DPP6: variants seen among roughly 807,000 people sequenced by gnomAD.
The protein encoded by DPP6 is A-type potassium channel modulatory protein DPP6.
In DPP6, 69 loss-of-function variants were observed where a neutral mutation model predicts 122.6. The observed-to-expected ratio is 0.56, with a 90% CI of 0.46 to 0.69. The LOEUF is 0.69. DPP6 is among the 30% of genes least tolerant of loss of function. The probability of loss-of-function intolerance (pLI) is 0.00; values close to 1 mark genes in which losing one functional copy is unlikely to be tolerated. For synonymous variants in DPP6, 418 were observed against 433.1 expected (o/e 0.97, Z 0.43); for missense variants, 928 against 1,116.9 (o/e 0.83, Z 2.41).
chr7:154,070,046 C>T (rs113517785), intron 1 of DPP6, among the ~76,000 whole-genome samples: 36,143 of 150,800 alleles, frequency 0.24, 5,033 homozygotes, highest in Non-Finnish European at 0.3. Flanking sequence ...AGCGAGACTC[C>T]GTCTCAAAAC....
At chr7:153,819,077 C>CTTTT in the DPP6 span, among the ~76,000 whole-genome samples, 14,457 of 99,790 alleles carry the variant, frequency 0.14, 1,098 homozygotes, top group Admixed American at 0.17. Flanking sequence ...CTTTTCTTTT[C>CTTTT]TTTTTTTTTT....
At chr7:154,238,478 T>G (rs749536281) in intron 1 of DPP6, among the ~76,000 whole-genome samples, 1 of 152,156 alleles carries the variant, frequency 6.6e-6, no homozygotes, top group Middle Eastern at 3.2e-3. Flanking sequence ...AGAGGTTAAG[T>G]CAGAGTCGGA....
chr7:154,280,599 TATTA>T (rs896177927), intron 1 of DPP6, among the ~76,000 whole-genome samples: 9 of 152,292 alleles, frequency 5.9e-5, no homozygotes, highest in Admixed American at 2.6e-4. Context: ...AATAATTAGC[TATTA>T]ATTCAATTTA....
intron 1 of DPP6, among the ~76,000 whole-genome samples, chr7:154,387,709 CCTGCTGCCAAAGGGA>C (rs1252730322): frequency 6.6e-6 from 1 of 152,240 alleles, no homozygotes; most frequent in African/African-American, 2.4e-5. Context: ...CCCCACAGCC[CCTGCTGCCAAAGGGA>C]TTACTGTAGG....
the DPP6 span, among the ~76,000 whole-genome samples, chr7:153,813,864 G>A: frequency 6.6e-6 from 1 of 152,032 alleles, no homozygotes; most frequent in African/African-American, 2.4e-5. Flanking sequence ...CCCACTTTTT[G>A]ATGGGGTTGT....
chr7:154,577,699 G>A (rs929431396), intron 5 of DPP6, among the ~76,000 whole-genome samples: 56 of 152,288 alleles, frequency 3.7e-4, no homozygotes, highest in Admixed American at 6.5e-4. Flanking sequence ...ACACTCGATT[G>A]CTTTCATTAG....
chr7:154,425,621 GGTGT>G lies in DPP6; in HGVS notation c.244-20562_244-20559del, dbSNP rs3056535. On this transcript the variant is annotated intron_variant, in intron 1 of 25. Transcript: ENST00000377770. ...GGAAAAAAATGTGTGTGTGTGTGTG[GGTGT>G]GTGTGTGTGTGTGTGTGTGTGTGTG... Among the ~76,000 whole-genome samples the G allele has an allele frequency of 3.3e-3, 396 of 121,474 alleles. 2 individuals carry two copies. The highest frequency in any genetic ancestry group is 4.7e-3 in the Non-Finnish European group (292 of 62,062). 79.7% of individuals were successfully genotyped at this position (121,474 alleles called of 152,430 possible). A position where few individuals can be genotyped will look rare whatever the true frequency, so the allele number is the denominator to read the frequency against.
intron 5 of DPP6, among the ~76,000 whole-genome samples, chr7:154,585,262 C>T (rs1416359704): frequency 6.6e-6 from 1 of 152,210 alleles, no homozygotes; most frequent in Non-Finnish European, 1.5e-5. Flanking sequence ...TAATTTTGCT[C>T]TAAAAACGTT....
At chr7:153,764,307 C>CTCT in the DPP6 span, among the ~76,000 whole-genome samples, 2 of 150,102 alleles carry the variant, frequency 1.3e-5, no homozygotes, top group African/African-American at 5.0e-5. Context: ...TTCCTTGCTC[C>CTCT]TCTTCTGCAC....
At chr7:153,890,897 C>CA (rs1799167829) in intron 1 of DPP6, among the ~76,000 whole-genome samples, 1 of 144,816 alleles carries the variant, frequency 6.9e-6, no homozygotes, top group South Asian at 2.2e-4. Context: ...GGGGTTTCAT[C>CA]ATGTTGGCCA....
At chr7:154,671,565 C>G (rs1838557253) in intron 7 of DPP6, among the ~76,000 whole-genome samples, 1 of 152,172 alleles carries the variant, frequency 6.6e-6, no homozygotes, top group East Asian at 1.9e-4. Flanking sequence ...TGGTACTTGT[C>G]CTGCCTCTGG....
At chr7:153,941,209 A>T (rs1042537407) in intron 1 of DPP6, among the ~76,000 whole-genome samples, 1 of 152,196 alleles carries the variant, frequency 6.6e-6, no homozygotes, top group African/African-American at 2.4e-5. Context: ...TGAGCCCTTG[A>T]TGTGTTGGAA....
At chr7:153,891,165 G>A (rs2128993565) in intron 1 of DPP6, among the ~76,000 whole-genome samples, 1 of 151,554 alleles carries the variant, frequency 6.6e-6, no homozygotes, top group African/African-American at 2.4e-5. Flanking sequence ...AGGACTACAG[G>A]CGCCCACCAC....
intron 1 of DPP6, among the ~76,000 whole-genome samples, chr7:154,242,429 G>A (rs1801685279): frequency 6.8e-6 from 1 of 147,846 alleles, no homozygotes; most frequent in South Asian, 2.1e-4. Context: ...TATTCCCATA[G>A]GCTAGCAAAT....
chr7:153,931,216 T>C (rs1801155629), intron 1 of DPP6, among the ~76,000 whole-genome samples: 1 of 152,172 alleles, frequency 6.6e-6, no homozygotes, highest in African/African-American at 2.4e-5. Context: ...AAAATCACTG[T>C]GGATAAGAGT....
At chr7:153,861,421 G>T in the DPP6 span, among the ~76,000 whole-genome samples, 2 of 152,102 alleles carry the variant, frequency 1.3e-5, no homozygotes, top group South Asian at 4.1e-4. Context: ...ATTTTCTAAT[G>T]CATGTAGCAT....
At chr7:154,412,282 C>CA (rs1249507327) in intron 1 of DPP6, among the ~76,000 whole-genome samples, 2 of 152,172 alleles carry the variant, frequency 1.3e-5, no homozygotes, top group Non-Finnish European at 2.9e-5. Flanking sequence ...TCAGGGGCTG[C>CA]AAGTCCAAAG....
intron 5 of DPP6, among the ~76,000 whole-genome samples, chr7:154,589,181 C>T (rs1208915053): frequency 3.9e-5 from 6 of 152,174 alleles, no homozygotes; most frequent in African/African-American, 1.4e-4. Flanking sequence ...CCTCCTCAAC[C>T]TTTCTCAGCA....
At chr7:154,647,287 T>C (rs1320143194) in intron 6 of DPP6, among the ~76,000 whole-genome samples, 1 of 152,178 alleles carries the variant, frequency 6.6e-6, no homozygotes, top group East Asian at 1.9e-4. Context: ...CTCGCCCCTT[T>C]ACTTGCTGCC....
Sources: allele counts gnomAD v4.1 joint callset (sites outside exome capture counted in the v4.1 genomes callset), GRCh38; gene constraint gnomAD v4.1.1; transcripts MANE v1.5; gene names NCBI Gene and HGNC (gene_info 2026-07-23, HGNC 2026-07-21).